FILIP1L: variants seen among roughly 807,000 people sequenced by gnomAD.
FILIP1L encodes the protein filamin A interacting protein 1 like, also known as filamin A-interacting protein 1-like.
Under a neutral mutation model 96.6 loss-of-function variants are expected in FILIP1L, and 55 were observed. That is an observed-to-expected ratio of 0.57 (90% confidence interval 0.46 to 0.71). FILIP1L has a LOEUF of 0.71. Ranked by LOEUF, FILIP1L falls within the 30% of genes least tolerant of loss-of-function variation. The pLI, the probability that FILIP1L is intolerant of heterozygous loss-of-function variation, is 0.00. For missense variants in FILIP1L, 1,304 were observed against 1,321.2 expected (o/e 0.99, Z 0.20); for synonymous variants, 467 against 473.9 (o/e 0.99, Z 0.19).
intron 1 of FILIP1L, among the ~76,000 whole-genome samples, chr3:100,046,532 T>TC (rs1559738371): frequency 6.6e-6 from 1 of 151,838 alleles, no homozygotes; most frequent in Non-Finnish European, 1.5e-5. Context: ...ATTCCCCAAC[T>TC]CCCCCCAGGA....
intron 1 of FILIP1L, among the ~76,000 whole-genome samples, chr3:100,014,700 T>C (rs1256719246): frequency 3.3e-5 from 5 of 151,966 alleles, no homozygotes; most frequent in Admixed American, 3.3e-4. Flanking sequence ...TGCTATTGAG[T>C]TCTTTGAGTT....
intron 1 of FILIP1L, among the ~76,000 whole-genome samples, chr3:99,983,531 AAG>A (rs1709235182): frequency 7.5e-6 from 1 of 133,784 alleles, no homozygotes; most frequent in Non-Finnish European, 1.6e-5. Context: ...CACACACAAA[AAG>A]AAAAAAATTA....
At chr3:100,029,045 C>T (rs999043899) in intron 1 of FILIP1L, among the ~76,000 whole-genome samples, 5 of 151,910 alleles carry the variant, frequency 3.3e-5, no homozygotes, top group Non-Finnish European at 5.9e-5. Context: ...TTTTTTTGAG[C>T]CTGGAATGGT....
intron 1 of FILIP1L, among the ~76,000 whole-genome samples, chr3:99,944,390 T>C (rs531590829): frequency 4.5e-4 from 68 of 152,334 alleles, no homozygotes; most frequent in Non-Finnish European, 6.8e-4. Flanking sequence ...CAAAGGCTGC[T>C]GATTCAGAGG....
At chr3:100,035,886 T>C (rs2065099089) in intron 1 of FILIP1L, among the ~76,000 whole-genome samples, 1 of 152,204 alleles carries the variant, frequency 6.6e-6, no homozygotes, top group South Asian at 2.1e-4. Context: ...ATACATGTAA[T>C]TTCTATGGAT....
chr3:100,028,906 C>G (rs1028055906), intron 1 of FILIP1L, among the ~76,000 whole-genome samples: 1 of 152,068 alleles, frequency 6.6e-6, no homozygotes, highest in Non-Finnish European at 1.5e-5. Flanking sequence ...CACACAAAGA[C>G]ACACACACAC....
intron 1 of FILIP1L, among the ~76,000 whole-genome samples, chr3:100,051,611 G>GT (rs2065374619): frequency 6.8e-6 from 1 of 147,798 alleles, no homozygotes; most frequent in East Asian, 2.0e-4. Flanking sequence ...GCAGTGTTTG[G>GT]TTTTTTGTCC....
At chr3:100,085,396 T>C (rs534072718) in intron 1 of FILIP1L, among the ~76,000 whole-genome samples, 12 of 152,328 alleles carry the variant, frequency 7.9e-5, no homozygotes, top group African/African-American at 2.4e-4. Context: ...ACTTTTACTA[T>C]AATAGCAGGG....
intron 1 of FILIP1L, among the ~76,000 whole-genome samples, chr3:100,088,961 T>C (rs1282949535): frequency 1.3e-5 from 2 of 152,200 alleles, no homozygotes; most frequent in Non-Finnish European, 2.9e-5. Flanking sequence ...AAGTCACTGT[T>C]TGCATGTACT....
intron 1 of FILIP1L, among the ~76,000 whole-genome samples, chr3:99,957,409 T>G (rs1366057683): frequency 6.6e-6 from 1 of 152,214 alleles, no homozygotes; most frequent in Non-Finnish European, 1.5e-5. Context: ...GTTGTGATAT[T>G]TTTGAAATGC....
At chr3:99,875,864 T>C (rs191828091) in intron 4 of FILIP1L, among the ~76,000 whole-genome samples, 2 of 152,342 alleles carry the variant, frequency 1.3e-5, no homozygotes, top group East Asian at 3.9e-4. Context: ...AAATCTCTAA[T>C]CTGTTTTCTC....
At chr3:100,013,856 G>A (rs1001506443) in intron 1 of FILIP1L, among the ~76,000 whole-genome samples, 3 of 152,044 alleles carry the variant, frequency 2.0e-5, no homozygotes, top group Admixed American at 6.5e-5. Flanking sequence ...CAATTTTCAA[G>A]TGTACAATAT....
intron 1 of FILIP1L, among the ~76,000 whole-genome samples, chr3:100,065,906 C>T (rs1404746620): frequency 3.3e-5 from 5 of 152,236 alleles, no homozygotes; most frequent in African/African-American, 9.6e-5. Flanking sequence ...CCTGGATCAA[C>T]AGCATCACCT....
chr3:99,994,605 G>A (rs1313914420), intron 1 of FILIP1L, among the ~76,000 whole-genome samples: 1 of 152,120 alleles, frequency 6.6e-6, no homozygotes, highest in Non-Finnish European at 1.5e-5. Context: ...CAAATACATG[G>A]AAATTAAACA....
chr3:99,893,085 A>G (rs1199909923), intron 4 of FILIP1L, among the ~76,000 whole-genome samples: 2 of 151,986 alleles, frequency 1.3e-5, no homozygotes, highest in Admixed American at 1.3e-4. Flanking sequence ...GTTACTGGGA[A>G]GAAATCTGGG....
chr3:99,918,525 T>A (rs1707026077), intron 4 of FILIP1L, among the ~76,000 whole-genome samples: 1 of 152,204 alleles, frequency 6.6e-6, no homozygotes, highest in Admixed American at 6.5e-5. Flanking sequence ...AAACTAAATT[T>A]CTGGGAAGGA....
intron 1 of FILIP1L, among the ~76,000 whole-genome samples, chr3:99,990,992 T>C (rs986515686): frequency 2.0e-5 from 3 of 152,060 alleles, no homozygotes; most frequent in African/African-American, 7.2e-5. Context: ...TAAATAAAAA[T>C]ACAGGTGCTC....
intron 1 of FILIP1L, among the ~76,000 whole-genome samples, chr3:100,000,608 G>A (rs1413441403): frequency 6.6e-6 from 1 of 152,194 alleles, no homozygotes; most frequent in Non-Finnish European, 1.5e-5. Context: ...CCAGCACTTT[G>A]GGAGGCCAAG....
At chr3:99,889,024 T>C (rs1488980007) in intron 4 of FILIP1L, among the ~76,000 whole-genome samples, 2 of 152,194 alleles carry the variant, frequency 1.3e-5, no homozygotes, top group African/African-American at 2.4e-5. Flanking sequence ...GTTTGTTTCA[T>C]GGCCTCACTA....
Sources: gnomAD v4.1 joint callset for allele counts (sites outside exome capture counted in the v4.1 genomes callset) on GRCh38, gnomAD v4.1.1 for gene constraint, MANE v1.5 for transcripts, NCBI Gene and HGNC (gene_info 2026-07-23, HGNC 2026-07-21) for gene names.